Variants in FAM13A observed in about 807,000 individuals in gnomAD.
FAM13A encodes protein FAM13A.
Under a neutral mutation model 129.6 loss-of-function variants are expected in FAM13A, and 76 were observed. The observed-to-expected ratio is 0.59, with a 90% CI of 0.49 to 0.71. The LOEUF (loss-of-function observed/expected upper bound fraction) is 0.71. FAM13A is among the 30% of genes least tolerant of loss of function. The pLI, the probability that FAM13A is intolerant of heterozygous loss-of-function variation, is 0.00. For missense variants in FAM13A, 1,108 were observed against 1,249.3 expected, an observed-to-expected ratio of 0.89 and a Z score of 1.70; for synonymous variants, 443 against 449.9, an observed-to-expected ratio of 0.98 and a Z score of 0.20.
At chr4:88,877,528 A>G (rs1353774654) in intron 6 of FAM13A, among the ~76,000 whole-genome samples, 1 of 152,252 alleles carries the variant, frequency 6.6e-6, no homozygotes, top group African/African-American at 2.4e-5. Flanking sequence ...CAAAATTTGA[A>G]TATATCTTTC....
At chr4:89,052,888 G>T (rs184430156) in intron 1 of FAM13A, among the ~76,000 whole-genome samples, 94 of 152,236 alleles carry the variant, frequency 6.2e-4, no homozygotes, top group Middle Eastern at 3.4e-3. Context: ...GAGAAACCAA[G>T]GGGGAGGAAA....
rs780266303 is a variant in FAM13A at position 88,746,903 on chromosome 4, C to T, written c.2466+29G>A. ...CATTTCTAAAGCCAGATAATTGACC[C>T]CAATCAGAAAATTTACTACATCACA... On this transcript the variant is annotated intron_variant, in intron 19 of 23. Transcript: ENST00000264344. 1.3e-5 allele frequency: 19 copies of T among 1,438,128 alleles called. 1 individual carries two copies. The East Asian group carries it at 4.3e-4, about 33-fold the overall frequency. 89.1% of individuals were successfully genotyped at this position (1,438,128 alleles called of 1,614,324 possible).
intron 3 of FAM13A, among the ~76,000 whole-genome samples, chr4:88,994,833 C>A (rs113256872): frequency 0.17 from 18,878 of 112,300 alleles, 1,158 homozygotes; most frequent in East Asian, 0.18. Flanking sequence ...AGAGTGAGAC[C>A]CTGTCAAAAA....
intron 1 of FAM13A, among the ~76,000 whole-genome samples, chr4:89,045,544 G>A (rs532924470): frequency 5.9e-5 from 9 of 151,966 alleles, no homozygotes; most frequent in Admixed American, 2.6e-4. Context: ...ATCACAACCC[G>A]GAACAGTCCA....
chr4:88,936,137 C>T (rs1312465326), intron 5 of FAM13A: 1 of 152,172 alleles, frequency 6.6e-6, no homozygotes, highest in African/African-American at 2.4e-5. Flanking sequence ...ACGATGTTCT[C>T]CACCAGCCTT....
In FAM13A at chr4:88,938,111, G is replaced by A; in HGVS notation, c.736C>T (p.Leu246=). 6.2e-7 allele frequency: 1 copy of A among 1,613,436 alleles called. No homozygotes were observed. The highest frequency in any genetic ancestry group is 1.1e-5 in the South Asian group (1 of 91,020). ...ACTTTTACTATGATAAGCCTAGCCA[G>A]GTTTTCACATCTCAGATGATCATTT... ...TENDHLRCEN[L]ARLIIVKEVY... is the part of the protein sequence containing the mutation. The change falls in exon 5 of 24, where the codon CTG becomes TTG. Residue 246 remains leucine, a synonymous_variant. Coordinates refer to ENST00000264344, the MANE Select transcript of FAM13A (RefSeq NM_014883.4).
chr4:88,760,303 G>A (rs924165022), intron 13 of FAM13A, among the ~76,000 whole-genome samples: 3 of 152,158 alleles, frequency 2.0e-5, no homozygotes, highest in African/African-American at 7.2e-5. Context: ...AGCTACTAAA[G>A]TCTTATAGAA....
chr4:89,056,872 G>T lies in FAM13A; in HGVS notation c.27+66C>A. ...TTACACAAACATCTCATCAAAACAA[G>T]GAAGGCAAGGCCCTCTCCTAAAAAC... On this transcript the variant is annotated intron_variant, in intron 1 of 23. Coordinates refer to ENST00000264344, the MANE Select transcript of FAM13A (RefSeq NM_014883.4). The T allele has an allele frequency of 2.7e-6, 4 of 1,464,264 alleles. No homozygotes were observed. In the Admixed American group the frequency reaches 6.1e-5, roughly 22 times the overall value. The allele number at this position is 1,464,264 out of a possible 1,614,324, so 90.7% of individuals were successfully genotyped here.
chr4:88,959,928 CTGCT>C (rs1380623104), intron 4 of FAM13A, among the ~76,000 whole-genome samples: 2 of 152,164 alleles, frequency 1.3e-5, no homozygotes, highest in African/African-American at 4.8e-5. Flanking sequence ...CTCTGAACAC[CTGCT>C]TGCTTAACTA....
intron 3 of FAM13A, among the ~76,000 whole-genome samples, chr4:89,007,937 G>A (rs1467526468): frequency 2.0e-5 from 3 of 152,030 alleles, no homozygotes; most frequent in Non-Finnish European, 2.9e-5. Context: ...TCAGTCACTC[G>A]AACAAGTATA....
chr4:88,757,412 G>GT (rs1743898653), intron 14 of FAM13A, among the ~76,000 whole-genome samples: 1 of 151,946 alleles, frequency 6.6e-6, no homozygotes. Context: ...TTTTATTTGG[G>GT]TAACAGTGAC....
intron 1 of FAM13A, among the ~76,000 whole-genome samples, chr4:89,030,284 T>C (rs542284805): frequency 6.6e-6 from 1 of 152,164 alleles, no homozygotes; most frequent in South Asian, 2.1e-4. Context: ...GATTGTATTA[T>C]ATATATTATA....
chr4:88,798,908 G>A (rs1462623686), intron 8 of FAM13A, among the ~76,000 whole-genome samples: 1 of 152,112 alleles, frequency 6.6e-6, no homozygotes, highest in Non-Finnish European at 1.5e-5. Flanking sequence ...ATATAAAGGT[G>A]TAATTTTCTA....
chr4:88,918,115 A>G (rs1007967895), intron 5 of FAM13A, among the ~76,000 whole-genome samples: 1 of 152,178 alleles, frequency 6.6e-6, no homozygotes, highest in African/African-American at 2.4e-5. Context: ...AATTTTACCC[A>G]GAGTTGGTTT....
intron 1 of FAM13A, among the ~76,000 whole-genome samples, chr4:89,047,717 T>C (rs1469689460): frequency 6.6e-6 from 1 of 152,212 alleles, no homozygotes; most frequent in East Asian, 1.9e-4. Flanking sequence ...GCTTTGGTGA[T>C]TTGGAAGAGA....
intron 4 of FAM13A, among the ~76,000 whole-genome samples, chr4:88,973,344 A>C (rs1760406811): frequency 6.6e-6 from 1 of 152,004 alleles, no homozygotes; most frequent in South Asian, 2.1e-4. Context: ...CATGTTTTTC[A>C]GTATTTTTTC....
intron 7 of FAM13A, among the ~76,000 whole-genome samples, chr4:88,837,805 C>T (rs1735088787): frequency 6.7e-6 from 1 of 148,424 alleles, no homozygotes; most frequent in Non-Finnish European, 1.5e-5. Context: ...TATTAAAAGT[C>T]TTCCTTTTTC....
intron 19 of FAM13A, 150 bp downstream of exon 19, chr4:88,746,782 G>A (rs183903978): frequency 1.7e-6 from 1 of 589,786 alleles, no homozygotes; most frequent in East Asian, 2.8e-5. Context: ...AGAAAGCTTA[G>A]TTATGGTGTA....
chr4:88,823,632 T>G (rs953372515), intron 7 of FAM13A, among the ~76,000 whole-genome samples: 3 of 152,236 alleles, frequency 2.0e-5, no homozygotes, highest in Non-Finnish European at 2.9e-5. Flanking sequence ...AGAGTTATGT[T>G]GCGTCCCCTT....
Sources: gnomAD v4.1 joint callset for allele counts (sites outside exome capture counted in the v4.1 genomes callset) on GRCh38, gnomAD v4.1.1 for gene constraint, MANE v1.5 for transcripts, NCBI Gene and HGNC (gene_info 2026-07-23, HGNC 2026-07-21) for gene names.